Variants in PCDHGA4 observed in about 807,000 individuals in gnomAD.
The protein encoded by PCDHGA4 is protocadherin gamma subfamily A, 4.
Under a neutral mutation model 54.6 loss-of-function variants are expected in PCDHGA4, and 38 were observed. The observed-to-expected ratio is 0.70, with a 90% CI of 0.54 to 0.91. The LOEUF (loss-of-function observed/expected upper bound fraction) is 0.91, where lower values mean the gene tolerates loss of function less well. PCDHGA4 is among the 40% of genes least tolerant of loss of function. The pLI is 0.00. For missense variants in PCDHGA4, 1,298 were observed against 1,220.9 expected, an observed-to-expected ratio of 1.06 and a Z score of -0.94; for synonymous variants, 511 against 512.9, an observed-to-expected ratio of 1.00 and a Z score of 0.05.
rs780843098 is a variant in PCDHGA4 at position 141,431,185 on chromosome 5, T to C, written c.2515-63622T>C. On this transcript the variant is annotated intron_variant, in intron 1 of 3. Coordinates refer to ENST00000571252, the MANE Select transcript of PCDHGA4 (RefSeq NM_018917.4). The surrounding 1 kb of genome is among the most constrained non-coding windows in gnomAD (Gnocchi z 4.8). ...GTGAAAGTGAATTAGAAATAAAAAT[T>C]AGTGAAAATGCAGCCACTGAGATGC... The C allele has an allele frequency of 3.1e-6, 5 of 1,613,982 alleles. No homozygotes were observed. The highest frequency in any genetic ancestry group is 4.2e-6 in the Non-Finnish European group (5 of 1,180,016).
At position 141,355,189 on chromosome 5, in the gene PCDHGA4, G is replaced by A. The variant is rs1414390153; in HGVS notation, c.82G>A (p.Gly28Ser). 1 of 1,590,876 alleles carries A rather than the reference G, an allele frequency of 6.3e-7. No individual in the cohort carries two copies. The change falls in exon 1 of 4, where the codon GGC becomes AGC. Residue 28 changes from glycine to serine, a missense_variant. Transcript: ENST00000571252. Reference sequence around the variant, plus strand: ...AAAACCGAAGCACAGGCGACTCCGCGGCGGGGTTGTAATGGCGGCGCCTCC... The same window carrying A: ...AAAACCGAAGCACAGGCGACTCCGCAGCGGGGTTGTAATGGCGGCGCCTCC... Reference protein sequence around the residue: ...EGKPKHRRLRGGVVMAAPPAR... With the variant: ...EGKPKHRRLRSGVVMAAPPAR...
chr5:141,495,122 C>T (rs1365586518), intron 2 of PCDHGA4, among the ~76,000 whole-genome samples: 2 of 152,282 alleles, frequency 1.3e-5, no homozygotes, highest in East Asian at 3.9e-4. Flanking sequence ...TTCCTATCCC[C>T]TGAGGGCACT....
At chr5:141,375,793 C>T (rs761231690) in intron 1 of PCDHGA4, 4 of 1,614,110 alleles carry the variant, frequency 2.5e-6, no homozygotes, top group East Asian at 4.5e-5. Context: ...TCCCCACAGA[C>T]GGTTCCACTG....
chr5:141,399,546 G>T, intron 1 of PCDHGA4: 1 of 1,614,032 alleles, frequency 6.2e-7, no homozygotes. Flanking sequence ...TCTGCGCCTC[G>T]GACCTGGACT....
chr5:141,388,278 A>G (rs769879098), intron 1 of PCDHGA4: 3 of 1,613,502 alleles, frequency 1.9e-6, no homozygotes, highest in East Asian at 2.2e-5. Context: ...CCACACGCCA[A>G]AATTCACGCA....
chr5:141,512,068 C>T lies in PCDHGA4; in HGVS notation c.*895C>T, dbSNP rs1215311369. 6.6e-6 allele frequency: 1 copy of T among 152,664 alleles called. No individual in the cohort carries two copies. The highest frequency in any genetic ancestry group is 1.5e-5 in the Non-Finnish European group (1 of 68,066). The allele number at this position is 152,664 out of a possible 1,614,324, so 9.5% of individuals were successfully genotyped here. On this transcript the variant is annotated 3_prime_UTR_variant, in exon 4 of 4. Transcript: ENST00000571252. The stretch of plus-strand genomic sequence containing the variant: ...TCCTCAGGGGACTGACAACATCCTC[C>T]AGATTCCAGCCATAAACCAATAACT...
intron 1 of PCDHGA4, among the ~76,000 whole-genome samples, chr5:141,401,855 C>T (rs1188056656): frequency 1.3e-5 from 2 of 152,164 alleles, no homozygotes; most frequent in African/African-American, 2.4e-5. Flanking sequence ...TACTTTTAAC[C>T]TTTCAGTAGT....
intron 1 of PCDHGA4, chr5:141,361,475 A>G (rs1561523767): frequency 6.2e-7 from 1 of 1,614,020 alleles, no homozygotes; most frequent in Non-Finnish European, 8.5e-7. Context: ...GACGTCAACG[A>G]TAATGCCCCA....
chr5:141,476,421 C>T lies in PCDHGA4; in HGVS notation c.2515-18386C>T, dbSNP rs765688262. On this transcript the variant is annotated intron_variant, in intron 1 of 3. Coordinates refer to ENST00000571252, the MANE Select transcript of PCDHGA4 (RefSeq NM_018917.4). The surrounding 1 kb of genome is among the most constrained non-coding windows in gnomAD (Gnocchi z 7.6). ...CGAGAGGAGCTGTGTGGGACACTGC[C>T]CTCTTGCACTGTAACTCTGGAGTTG... 1 of 1,614,026 alleles carries T rather than the reference C, an allele frequency of 6.2e-7. No homozygotes were observed. The highest frequency in any genetic ancestry group is 8.5e-7 in the Non-Finnish European group (1 of 1,179,994).
At chr5:141,455,558 G>A (rs1261373189) in intron 1 of PCDHGA4, among the ~76,000 whole-genome samples, 1 of 152,142 alleles carries the variant, frequency 6.6e-6, no homozygotes, top group East Asian at 1.9e-4. Flanking sequence ...CCGAGAAAAA[G>A]CTGGCCCTCC....
intron 1 of PCDHGA4, chr5:141,364,463 G>C: frequency 6.2e-7 from 1 of 1,614,000 alleles, no homozygotes; most frequent in Admixed American, 1.7e-5. Context: ...AGGCTCCTTC[G>C]TCGGCAACAT....
At chr5:141,387,566 T>C in intron 1 of PCDHGA4, 1 of 445,866 alleles carries the variant, frequency 2.2e-6, no homozygotes, top group Non-Finnish European at 4.0e-6. Context: ...GGCACACAAT[T>C]ATAATTATTG....
At chr5:141,457,098 T>G (rs1179930043) in intron 1 of PCDHGA4, among the ~76,000 whole-genome samples, 1 of 152,242 alleles carries the variant, frequency 6.6e-6, no homozygotes, top group Non-Finnish European at 1.5e-5. Flanking sequence ...AGGATACTAA[T>G]TAAGCAAAAT....
intron 1 of PCDHGA4, chr5:141,366,161 G>A: frequency 6.2e-7 from 1 of 1,614,092 alleles, no homozygotes; most frequent in Non-Finnish European, 8.5e-7. Context: ...CCTGCTTAAG[G>A]CCAGCGAGCC....
intron 1 of PCDHGA4, chr5:141,419,910 C>A (rs539905795): frequency 1.9e-6 from 3 of 1,613,968 alleles, no homozygotes; most frequent in Non-Finnish European, 2.5e-6. Flanking sequence ...CCCTCTGACT[C>A]CCAGGCTGAG....
At chr5:141,418,603 G>A (rs769167342) in intron 1 of PCDHGA4, 7 of 1,613,902 alleles carry the variant, frequency 4.3e-6, no homozygotes, top group East Asian at 4.5e-5. Context: ...ACGTGTACAG[G>A]GTTAGCCTTC....
At chr5:141,375,758 G>A in intron 1 of PCDHGA4, 1 of 1,614,230 alleles carries the variant, frequency 6.2e-7, no homozygotes. Context: ...GAATGACAAT[G>A]CGCCCGAGAT....
Position 141,485,434 on chromosome 5 carries a change from G to T in PCDHGA4, c.2515-9373G>T. The stretch of plus-strand genomic sequence containing the variant: ...TGGACAGCGGAGCCCTGCTCATCAA[G>T]AACCCAATCGACCGAGAGGCACTGT... On this transcript the variant is annotated intron_variant, in intron 1 of 3. Transcript: ENST00000571252. This position sits in a 1 kb window ranked among gnomAD's most constrained non-coding sequence, Gnocchi z 5.7. The T allele has an allele frequency of 6.2e-7, 1 of 1,614,166 alleles. No homozygotes were observed. The highest frequency in any genetic ancestry group is 1.6e-4 in the Middle Eastern group (1 of 6,062).
chr5:141,454,998 G>A (rs909142112), intron 1 of PCDHGA4, among the ~76,000 whole-genome samples: 1 of 151,220 alleles, frequency 6.6e-6, no homozygotes, highest in Admixed American at 6.6e-5. Flanking sequence ...ATTTTTAGTA[G>A]AGACGGGGTT....
Sources: allele counts gnomAD v4.1 joint callset (sites outside exome capture counted in the v4.1 genomes callset), GRCh38; gene constraint gnomAD v4.1.1; non-coding constraint Gnocchi (gnomAD v3.1); transcripts MANE v1.5; gene names NCBI Gene and HGNC (gene_info 2026-07-23, HGNC 2026-07-21).